RYR2: variants seen among roughly 807,000 people sequenced by gnomAD.
RYR2 encodes cardiac muscle ryanodine receptor-calcium release channel.
A neutral mutation model predicts 601.1 loss-of-function variants in RYR2; 227 were observed. The observed-to-expected ratio is 0.38, with a 90% CI of 0.34 to 0.42. The LOEUF (loss-of-function observed/expected upper bound fraction) is 0.42, where lower values mean the gene tolerates loss of function less well. RYR2 is among the 10% of genes least tolerant of loss of function. The pLI, the probability that RYR2 is intolerant of heterozygous loss-of-function variation, is 1.00. For missense variants in RYR2, 4,646 were observed against 6,156.5 expected, an observed-to-expected ratio of 0.75 and a Z score of 8.21; for synonymous variants, 2,223 against 2,175.1, an observed-to-expected ratio of 1.02 and a Z score of -0.61.
chr1:237,746,272 T>C (rs1692067944), intron 80 of RYR2, among the ~76,000 whole-genome samples: 1 of 152,232 alleles, frequency 6.6e-6, no homozygotes, highest in African/African-American at 2.4e-5. Flanking sequence ...TAACACATTA[T>C]ATCAAATAAA....
At chr1:237,084,072 C>T (rs753556674) in intron 1 of RYR2, among the ~76,000 whole-genome samples, 1 of 152,164 alleles carries the variant, frequency 6.6e-6, no homozygotes, top group Non-Finnish European at 1.5e-5. Context: ...GTGTGAATGC[C>T]TCCAGAGTTT....
intron 19 of RYR2, among the ~76,000 whole-genome samples, chr1:237,495,980 T>G (rs529196565): frequency 6.6e-6 from 1 of 152,370 alleles, no homozygotes; most frequent in South Asian, 2.1e-4. Context: ...GCAAAACTGC[T>G]GATGGAATGT....
intron 1 of RYR2, among the ~76,000 whole-genome samples, chr1:237,127,422 C>T (rs1162997767): frequency 1.3e-5 from 2 of 150,440 alleles, no homozygotes; most frequent in African/African-American, 4.9e-5. Context: ...GGCTGACCCC[C>T]CCACCTCCCT....
intron 1 of RYR2, among the ~76,000 whole-genome samples, chr1:237,214,527 A>T (rs906623534): frequency 9.9e-5 from 15 of 152,142 alleles, no homozygotes; most frequent in Non-Finnish European, 1.9e-4. Context: ...ACAGGAATGA[A>T]TCCAGTGAGA....
At chr1:237,068,041 T>C (rs1663866507) in intron 1 of RYR2, among the ~76,000 whole-genome samples, 1 of 151,700 alleles carries the variant, frequency 6.6e-6, no homozygotes, top group Admixed American at 6.6e-5. Context: ...GATTTTTTTT[T>C]TTTTTTTTTG....
intron 10 of RYR2, among the ~76,000 whole-genome samples, chr1:237,389,666 C>CT (rs1558736418): frequency 6.6e-6 from 1 of 152,264 alleles, no homozygotes; most frequent in South Asian, 2.1e-4. Flanking sequence ...CCAGCGCCAT[C>CT]TTTTTTTCTG....
At chr1:237,493,370 A>T (rs940802885) in intron 19 of RYR2, among the ~76,000 whole-genome samples, 1 of 152,204 alleles carries the variant, frequency 6.6e-6, no homozygotes, top group African/African-American at 2.4e-5. Context: ...CCACCCTGAC[A>T]ACTGTATAGG....
intron 19 of RYR2, 130 bp downstream of exon 19, chr1:237,493,217 A>C (rs1299437435): frequency 3.0e-6 from 3 of 1,005,124 alleles, no homozygotes; most frequent in African/African-American, 1.6e-5. Context: ...GTATTTTTGC[A>C]GTGAATAATA....
chr1:237,784,896 C>T lies in RYR2; in HGVS notation c.13184C>T (p.Pro4395Leu), dbSNP rs1695422438. 1 of 1,612,608 alleles carries T rather than the reference C, an allele frequency of 6.2e-7. No homozygotes were observed. The highest frequency in any genetic ancestry group is 8.5e-7 in the Non-Finnish European group (1 of 1,179,314). Residue 4395 changes from proline to leucine, a missense_variant, in exon 90 of 105, where the codon CCT (proline) becomes CTT (leucine). Coordinates refer to ENST00000366574, the MANE Select transcript of RYR2 (RefSeq NM_001035.3). This position sits in a 1 kb window ranked among gnomAD's most constrained non-coding sequence, Gnocchi z 7.1. ...KREGGQYKLI[P>L]HNPNAGLSDL... ...GAAGGAGGACAGTACAAACTGATTC[C>T]TCATAATCCAAATGCTGGGCTCAGT...
chr1:237,459,091 T>C (rs1659174815), intron 16 of RYR2, among the ~76,000 whole-genome samples: 1 of 152,262 alleles, frequency 6.6e-6, no homozygotes, highest in African/African-American at 2.4e-5. Flanking sequence ...AAAATTCTAA[T>C]GACTGCATTT....
intron 2 of RYR2, among the ~76,000 whole-genome samples, chr1:237,272,597 T>C (rs1473670468): frequency 1.3e-5 from 2 of 148,652 alleles, no homozygotes; most frequent in Non-Finnish European, 3.0e-5. Context: ...TATATAATTA[T>C]AATTATGCTT....
At chr1:237,436,453 CCTTTTT>C (rs1426451818) in intron 12 of RYR2, among the ~76,000 whole-genome samples, 1 of 55,830 alleles carries the variant, frequency 1.8e-5, no homozygotes. Context: ...GTGTGATTTT[CCTTTTT>C]TTTTTTTTTT....
At chr1:237,270,645 A>C in intron 2 of RYR2, 29 bp downstream of exon 2, 1 of 1,556,864 alleles carries the variant, frequency 6.4e-7, no homozygotes, top group Non-Finnish European at 8.7e-7. Context: ...AGGCTATTCA[A>C]ATATGCAAGT....
chr1:237,056,184 ACACTGCACCTGTGAGGACTGGAG>A (rs1184781240), intron 1 of RYR2, among the ~76,000 whole-genome samples: 58 of 134,330 alleles, frequency 4.3e-4, no homozygotes, highest in Middle Eastern at 5.2e-3. Flanking sequence ...GAGGATTGGA[ACACTGCACCTGTGAGGACTGGAG>A]CACTGCACCT....
At chr1:237,525,271 A>G (rs1278952620) in intron 24 of RYR2, among the ~76,000 whole-genome samples, 1 of 152,156 alleles carries the variant, frequency 6.6e-6, no homozygotes, top group African/African-American at 2.4e-5. Context: ...AACTTTATCC[A>G]TGTTGCTGCA....
At chr1:237,143,136 C>G (rs954170928) in intron 1 of RYR2, among the ~76,000 whole-genome samples, 1 of 152,156 alleles carries the variant, frequency 6.6e-6, no homozygotes, top group African/African-American at 2.4e-5. Context: ...ACCTGCATTT[C>G]CCTATTGTTT....
At chr1:237,464,693 A>T (rs1242072299) in intron 16 of RYR2, among the ~76,000 whole-genome samples, 1 of 152,136 alleles carries the variant, frequency 6.6e-6, no homozygotes, top group Non-Finnish European at 1.5e-5. Context: ...CATGCTATAC[A>T]TGTACTTATA....
intron 80 of RYR2, among the ~76,000 whole-genome samples, chr1:237,754,086 G>A (rs1288040967): frequency 6.6e-6 from 1 of 151,518 alleles, no homozygotes; most frequent in East Asian, 1.9e-4. Flanking sequence ...TCAACAGAGA[G>A]GTTGACTTGA....
intron 1 of RYR2, among the ~76,000 whole-genome samples, chr1:237,100,819 G>T (rs915685974): frequency 1.2e-4 from 18 of 152,192 alleles, no homozygotes; most frequent in South Asian, 4.1e-4. Context: ...CAACACTAGG[G>T]GTCCTTCTGA....
Sources: allele counts gnomAD v4.1 joint callset (sites outside exome capture counted in the v4.1 genomes callset), GRCh38; gene constraint gnomAD v4.1.1; non-coding constraint Gnocchi (gnomAD v3.1); transcripts MANE v1.5; gene names NCBI Gene and HGNC (gene_info 2026-07-23, HGNC 2026-07-21).